The following LRRC4C variants were observed in gnomAD, a reference collection of about 807,000 sequenced individuals.
The protein encoded by LRRC4C is leucine rich repeat containing 4C, also known as leucine-rich repeat-containing protein 4C.
LRRC4C carries 5 observed loss-of-function variants against 33.6 expected under a neutral mutation model. The ratio of observed to expected loss-of-function variants is 0.15; its 90% CI spans 0.08 to 0.31. LRRC4C has a LOEUF of 0.31. Ranked by LOEUF, LRRC4C falls within the 10% of genes least tolerant of loss-of-function variation. The pLI is 1.00. For synonymous variants in LRRC4C, 329 were observed against 302.0 expected (o/e 1.09, Z -0.93); for missense variants, 560 against 796.7 (o/e 0.70, Z 3.58).
At chr11:40,705,561 A>G (rs2136527683) in intron 2 of LRRC4C, among the ~76,000 whole-genome samples, 1 of 125,124 alleles carries the variant, frequency 8.0e-6, no homozygotes, top group African/African-American at 2.7e-5. Context: ...CCTGCATAGT[A>G]TTCCGTGGTG....
intron 3 of LRRC4C, among the ~76,000 whole-genome samples, chr11:40,614,258 C>T (rs1007105398): frequency 1.3e-5 from 2 of 151,854 alleles, no homozygotes; most frequent in Admixed American, 6.6e-5. Context: ...AGTTGTTTTA[C>T]CTAGATCATC....
At chr11:40,872,412 G>A (rs183661437) in intron 2 of LRRC4C, among the ~76,000 whole-genome samples, 100 of 151,760 alleles carry the variant, frequency 6.6e-4, no homozygotes, top group African/African-American at 2.3e-3. Flanking sequence ...TTATAAAGTC[G>A]AAGCAAAATA....
At position 40,940,503 on chromosome 11, in the gene LRRC4C, T is replaced by G. The variant is rs1177168841; in HGVS notation, c.-495-6780A>C. 3.9e-5 allele frequency among the ~76,000 whole-genome samples: 6 copies of G among 152,254 alleles called. No homozygotes were observed. In the East Asian group the frequency reaches 1.2e-3, roughly 29 times the overall value. ...TGTTCTTAGATAAGATCCTAACCAC[T>G]TTCTCTTTGGATTTTGTCAGTAACT... On this transcript the variant is annotated intron_variant, in intron 1 of 6. Transcript: ENST00000528697.
rs767515626 is a variant in LRRC4C at position 40,945,023 on chromosome 11, CTTTTTTTTTTT to C, written c.-495-11311_-495-11301del. On this transcript the variant is annotated intron_variant, in intron 1 of 6. Coordinates refer to ENST00000528697, the MANE Select transcript of LRRC4C (RefSeq NM_001258419.2). ...AGTGGTGTTCAACTTTGCAGTTTTT[CTTTTTTTTTTT>C]TTTTTTTTTTTGAGACGGAGTCTTG... Among the ~76,000 whole-genome samples the C allele has an allele frequency of 8.1e-5, 9 of 111,094 alleles. No homozygotes were observed. The South Asian group carries it at 2.3e-3, about 29-fold the overall frequency. The allele number at this position is 111,094 out of a possible 152,430, so 72.9% of individuals were successfully genotyped here.
chr11:40,681,218 C>T (rs1944670258), intron 2 of LRRC4C, among the ~76,000 whole-genome samples: 1 of 152,122 alleles, frequency 6.6e-6, no homozygotes. Flanking sequence ...ACACTGGTCT[C>T]ATCAGAACAG....
Position 40,840,912 on chromosome 11 carries a change from T to C in LRRC4C, c.-407+92723A>G, listed in dbSNP as rs535316361. On this transcript the variant is annotated intron_variant, in intron 2 of 6. Transcript: ENST00000528697. ...ACTTCTTCACTTTATTTTCCACTTA[T>C]CAATCAACCTCTCTTGTTAATTATT... Among the ~76,000 whole-genome samples, 8 of 152,318 alleles carry C rather than the reference T, an allele frequency of 5.3e-5. No individual in the cohort carries two copies. The East Asian group carries it at 1.5e-3, about 29-fold the overall frequency.
At chr11:40,300,541 A>T (rs1944722482) in intron 4 of LRRC4C, among the ~76,000 whole-genome samples, 1 of 152,206 alleles carries the variant, frequency 6.6e-6, no homozygotes, top group Admixed American at 6.5e-5. Context: ...AGCTTTTGAA[A>T]TACAGTCATT....
At chr11:41,053,576 T>C (rs1226275776) in intron 1 of LRRC4C, among the ~76,000 whole-genome samples, 3 of 152,182 alleles carry the variant, frequency 2.0e-5, no homozygotes, top group Non-Finnish European at 4.4e-5. Context: ...AAGTGTGGGA[T>C]GTTTAAACTG....
chr11:41,009,668 T>TA (rs1479633717), intron 1 of LRRC4C, among the ~76,000 whole-genome samples: 3 of 152,214 alleles, frequency 2.0e-5, no homozygotes, highest in African/African-American at 7.2e-5. Flanking sequence ...CACTTACATA[T>TA]ATTTTGCATA....
intron 1 of LRRC4C, among the ~76,000 whole-genome samples, chr11:41,294,820 G>A (rs974759976): frequency 1.3e-5 from 2 of 152,128 alleles, no homozygotes; most frequent in Non-Finnish European, 2.9e-5. Flanking sequence ...AATGCACACT[G>A]TCTATAAAGT....
intron 5 of LRRC4C, among the ~76,000 whole-genome samples, chr11:40,147,880 G>C (rs897141447): frequency 6.6e-6 from 1 of 151,878 alleles, no homozygotes; most frequent in Non-Finnish European, 1.5e-5. Context: ...TATTTTTCTT[G>C]ATCCTCTCCC....
chr11:40,828,152 T>TTC, intron 2 of LRRC4C, among the ~76,000 whole-genome samples: 1 of 146,938 alleles, frequency 6.8e-6, no homozygotes, highest in East Asian at 2.0e-4. Flanking sequence ...TATACAAACA[T>TTC]ACACACACAC....
intron 2 of LRRC4C, among the ~76,000 whole-genome samples, chr11:40,897,808 A>T (rs1309823421): frequency 6.6e-6 from 1 of 152,090 alleles, no homozygotes; most frequent in Non-Finnish European, 1.5e-5. Flanking sequence ...ACCAGCCTTG[A>T]TCCCTCTGTA....
chr11:40,206,287 G>C (rs373803007), intron 5 of LRRC4C, among the ~76,000 whole-genome samples: 1 of 152,112 alleles, frequency 6.6e-6, no homozygotes, highest in South Asian at 2.1e-4. Context: ...CCAGGCTGGA[G>C]TGCAGTAGGG....
At chr11:40,308,899 G>A (rs188415183) in intron 4 of LRRC4C, among the ~76,000 whole-genome samples, 29 of 152,232 alleles carry the variant, frequency 1.9e-4, no homozygotes, top group African/African-American at 6.7e-4. Flanking sequence ...CCAATAAAAC[G>A]GACATGCATA....
chr11:40,858,692 TAAA>T (rs201131448), intron 2 of LRRC4C, among the ~76,000 whole-genome samples: 12 of 80,158 alleles, frequency 1.5e-4, no homozygotes, highest in African/African-American at 4.9e-4. Flanking sequence ...GACTCCTTCT[TAAA>T]AAAAAAAAAA....
chr11:40,504,895 T>C (rs562270971), intron 3 of LRRC4C, among the ~76,000 whole-genome samples: 3 of 152,186 alleles, frequency 2.0e-5, no homozygotes, highest in African/African-American at 7.2e-5. Context: ...TTAAACCACG[T>C]AAACAGTACT....
chr11:41,030,822 A>G lies in LRRC4C; in HGVS notation c.-495-97099T>C, dbSNP rs888224436. On this transcript the variant is annotated intron_variant, in intron 1 of 6. Coordinates refer to ENST00000528697, the MANE Select transcript of LRRC4C (RefSeq NM_001258419.2). The stretch of plus-strand genomic sequence containing the variant: ...TACACACACATACACACACATATAT[A>G]TATACACATACATATATATTATATA... 4.6e-5 allele frequency among the ~76,000 whole-genome samples: 7 copies of G among 151,876 alleles called. No individual in the cohort carries two copies. In the Admixed American group the frequency reaches 4.6e-4, roughly 10 times the overall value.
At chr11:40,926,487 C>G (rs1206412791) in intron 2 of LRRC4C, among the ~76,000 whole-genome samples, 1 of 152,168 alleles carries the variant, frequency 6.6e-6, no homozygotes, top group Non-Finnish European at 1.5e-5. Flanking sequence ...TACTGAAGCA[C>G]TCTCTTACAA....
Sources: gnomAD v4.1 joint callset for allele counts (sites outside exome capture counted in the v4.1 genomes callset) on GRCh38, gnomAD v4.1.1 for gene constraint, MANE v1.5 for transcripts, NCBI Gene and HGNC (gene_info 2026-07-23, HGNC 2026-07-21) for gene names.